Variants in RNF152 observed in about 807,000 individuals in gnomAD.
RNF152 encodes the protein E3 ubiquitin-protein ligase RNF152.
In RNF152, 11 loss-of-function variants were observed where a neutral mutation model predicts 12.7. That is an observed-to-expected ratio of 0.86 (90% confidence interval 0.54 to 1.43). The LOEUF is 1.43. Among genes scored for constraint, RNF152 ranks in the 40% most tolerant of loss-of-function variants. The probability of loss-of-function intolerance (pLI) is 0.00; values close to 1 mark genes in which losing one functional copy is unlikely to be tolerated. For missense variants in RNF152, 255 were observed against 274.8 expected (o/e 0.93, Z 0.51); for synonymous variants, 113 against 120.3 (o/e 0.94, Z 0.40).
intron 1 of RNF152, among the ~76,000 whole-genome samples, chr18:61,860,348 A>G (rs765223183): frequency 3.3e-5 from 5 of 152,234 alleles, no homozygotes; most frequent in Admixed American, 2.6e-4. Context: ...AGCACCAAAT[A>G]GCAAAGAGAA....
intron 1 of RNF152, among the ~76,000 whole-genome samples, chr18:61,882,715 C>A (rs1396065653): frequency 6.6e-6 from 1 of 152,126 alleles, no homozygotes; most frequent in African/African-American, 2.4e-5. Flanking sequence ...CAAATTGGAG[C>A]CCAGCTCCTG....
intron 1 of RNF152, among the ~76,000 whole-genome samples, chr18:61,867,969 A>G (rs1191934201): frequency 1.3e-5 from 2 of 152,198 alleles, no homozygotes; most frequent in Non-Finnish European, 2.9e-5. Flanking sequence ...AGCTAACACA[A>G]ACAATATATT....
chr18:61,851,182 G>C (rs912482979), intron 1 of RNF152, among the ~76,000 whole-genome samples: 1 of 151,580 alleles, frequency 6.6e-6, no homozygotes, highest in Admixed American at 6.6e-5. Flanking sequence ...GAAACAGACA[G>C]GCTGTACTCA....
intron 1 of RNF152, among the ~76,000 whole-genome samples, chr18:61,873,253 C>T (rs1180854037): frequency 6.6e-6 from 1 of 152,180 alleles, no homozygotes; most frequent in Non-Finnish European, 1.5e-5. Flanking sequence ...AGTATATTAG[C>T]AATTTTTTTA....
intron 1 of RNF152, among the ~76,000 whole-genome samples, chr18:61,866,234 C>A (rs1157351288): frequency 6.6e-6 from 1 of 152,180 alleles, no homozygotes; most frequent in African/African-American, 2.4e-5. Flanking sequence ...ACCATCCAAC[C>A]TACTGCTTCT....
chr18:61,872,496 A>G (rs1674796036), intron 1 of RNF152, among the ~76,000 whole-genome samples: 1 of 152,198 alleles, frequency 6.6e-6, no homozygotes. Context: ...AAAATTCAAA[A>G]TTAACTCCTT....
intron 1 of RNF152, among the ~76,000 whole-genome samples, chr18:61,839,714 C>T (rs7238823): frequency 0.38 from 56,964 of 151,890 alleles, 11,876 homozygotes; most frequent in Non-Finnish European, 0.48. Flanking sequence ...GCTAACACAG[C>T]GACACCCTGT....
intron 1 of RNF152, among the ~76,000 whole-genome samples, chr18:61,845,763 C>T (rs1276133721): frequency 6.6e-6 from 1 of 152,172 alleles, no homozygotes; most frequent in Non-Finnish European, 1.5e-5. Flanking sequence ...TGAAACCCTC[C>T]TCTCAGGAAT....
At chr18:61,859,119 T>C (rs1911351457) in intron 1 of RNF152, among the ~76,000 whole-genome samples, 1 of 152,112 alleles carries the variant, frequency 6.6e-6, no homozygotes, top group Non-Finnish European at 1.5e-5. Context: ...TCACCACCAT[T>C]CAGATGCCAC....
At position 61,815,872 on chromosome 18, in the gene RNF152, T is replaced by A. The variant is rs1349971350; in HGVS notation, c.592A>T (p.Thr198Ser). The A allele has an allele frequency of 6.2e-7, 1 of 1,613,982 alleles. No individual in the cohort carries two copies. Among genetic ancestry groups the A allele is most frequent in the African/African-American group, 1.3e-5 (1 of 74,914 alleles). Residue 198 changes from threonine (T) to serine (S), a missense_variant, in exon 2 of 2, where the codon ACT (threonine) becomes TCT (serine). Physicochemically the swap from Thr to Ser is moderately conservative, Grantham distance 58 (BLOSUM62 1). Coordinates refer to ENST00000312828, the MANE Select transcript of RNF152 (RefSeq NM_173557.3). ...HNMSCISKRF[T>S]VISCG ...CCTCTTCAGCCACAGGATATCACAGTGAAGCGCTTAGAAATGCAAGACATG... is the reference window on the plus strand; with the variant it reads ...CCTCTTCAGCCACAGGATATCACAGAGAAGCGCTTAGAAATGCAAGACATG...
rs1158389552 is a variant in RNF152, at chr18:61,811,728, T to C, written c.*4124A>G. On this transcript the variant is annotated 3_prime_UTR_variant, in exon 2 of 2. Transcript: ENST00000312828. ...ATAGGATACTGGAAGTGAACAGGGATTTCATTAGGCTTTTTTTTTCCTGTA... is the reference window on the plus strand; with the variant it reads ...ATAGGATACTGGAAGTGAACAGGGACTTCATTAGGCTTTTTTTTTCCTGTA... 1 of 152,198 alleles carries C rather than the reference T, an allele frequency of 6.6e-6. No individual in the cohort carries two copies. The highest frequency in any genetic ancestry group is 1.5e-5 in the Non-Finnish European group (1 of 68,066). 9.4% of individuals were successfully genotyped at this position (152,198 alleles called of 1,614,324 possible).
chr18:61,843,076 T>G (rs1216444657), intron 1 of RNF152, among the ~76,000 whole-genome samples: 1 of 152,230 alleles, frequency 6.6e-6, no homozygotes, highest in Non-Finnish European at 1.5e-5. Flanking sequence ...CTAAATGTCT[T>G]GCATTTTAAA....
At chr18:61,837,812 T>G (rs140133796) in intron 1 of RNF152, among the ~76,000 whole-genome samples, 1 of 152,372 alleles carries the variant, frequency 6.6e-6, no homozygotes, top group African/African-American at 2.4e-5. Flanking sequence ...ATTTCTATTT[T>G]GCACAGACAA....
At chr18:61,843,737 G>A (rs1402821333) in intron 1 of RNF152, among the ~76,000 whole-genome samples, 1 of 152,240 alleles carries the variant, frequency 6.6e-6, no homozygotes, top group East Asian at 1.9e-4. Flanking sequence ...CTTACATGAG[G>A]TACTTACAGT....
intron 1 of RNF152, among the ~76,000 whole-genome samples, chr18:61,837,635 C>T (rs1910248705): frequency 6.6e-6 from 1 of 152,156 alleles, no homozygotes; most frequent in African/African-American, 2.4e-5. Context: ...CTCCATTCCA[C>T]TTGCTCAGTT....
intron 1 of RNF152, among the ~76,000 whole-genome samples, chr18:61,890,947 A>C (rs1408419970): frequency 1.3e-5 from 2 of 152,212 alleles, no homozygotes; most frequent in African/African-American, 4.8e-5. Flanking sequence ...TTGAGGCTGG[A>C]TGACCATATT....
Position 61,816,335 on chromosome 18 carries a change from C to G in RNF152, c.129G>C (p.Arg43Ser), listed in dbSNP as rs1312696936. The G allele has an allele frequency of 6.2e-7, 1 of 1,614,116 alleles. No homozygotes were observed. Among genetic ancestry groups the G allele is most frequent in the Non-Finnish European group, 8.5e-7 (1 of 1,180,044 alleles). ...TCCSVCLQQM[R>S]TSQKDVRCPW... ...GGCACCGCACATCCTTCTGGCTGGT[C>G]CTCATCTGCTGCAGGCACACTGAAC... Residue 43 changes from arginine (R) to serine (S), a missense_variant, in exon 2 of 2, where the codon AGG becomes AGC. Transcript: ENST00000312828.
At chr18:61,844,164 AGG>A (rs1910634759) in intron 1 of RNF152, among the ~76,000 whole-genome samples, 2 of 91,868 alleles carry the variant, frequency 2.2e-5, no homozygotes, top group East Asian at 6.0e-4. Context: ...GAAGGAAGGG[AGG>A]AAGGGAGGAA....
At chr18:61,881,625 G>A (rs1402555419) in intron 1 of RNF152, among the ~76,000 whole-genome samples, 2 of 152,156 alleles carry the variant, frequency 1.3e-5, no homozygotes, top group African/African-American at 4.8e-5. Flanking sequence ...GGCTGACTCA[G>A]GTTTAGAATC....
Sources: gnomAD v4.1 joint callset for allele counts (sites outside exome capture counted in the v4.1 genomes callset) on GRCh38, gnomAD v4.1.1 for gene constraint, MANE v1.5 for transcripts, NCBI Gene and HGNC (gene_info 2026-07-23, HGNC 2026-07-21) for gene names.